The following SYT1 variants were observed in gnomAD, a reference collection of about 807,000 sequenced individuals.
SYT1 encodes the protein synaptotagmin-1.
A neutral mutation model predicts 44.8 loss-of-function variants in SYT1; 8 were observed. The ratio of observed to expected loss-of-function variants is 0.18; its 90% CI spans 0.10 to 0.32. The LOEUF (loss-of-function observed/expected upper bound fraction) is 0.32. SYT1 is among the 10% of genes least tolerant of loss of function. SYT1 has a pLI of 1.00. For missense variants in SYT1, 286 were observed against 509.3 expected (o/e 0.56, Z 4.22); for synonymous variants, 154 against 188.8 (o/e 0.82, Z 1.51).
chr12:79,038,372 A>G (rs1565775001), intron 2 of SYT1, among the ~76,000 whole-genome samples: 1 of 151,544 alleles, frequency 6.6e-6, no homozygotes, highest in Non-Finnish European at 1.5e-5. Flanking sequence ...TAATTGTTTT[A>G]TTTCCCACTG....
chr12:78,961,518 G>GATCATA (rs1167704596), intron 1 of SYT1, among the ~76,000 whole-genome samples: 1 of 151,996 alleles, frequency 6.6e-6, no homozygotes, highest in East Asian at 1.9e-4. Context: ...CATGAAAATT[G>GATCATA]ATCATACCTT....
chr12:79,411,406 C>T (rs1868419616), intron 9 of SYT1, among the ~76,000 whole-genome samples: 1 of 151,904 alleles, frequency 6.6e-6, no homozygotes, highest in South Asian at 2.1e-4. Flanking sequence ...GGCAATGTGC[C>T]CAGCTAAAAA....
intron 9 of SYT1, among the ~76,000 whole-genome samples, chr12:79,394,530 C>T (rs1211660153): frequency 6.6e-6 from 1 of 152,164 alleles, no homozygotes; most frequent in Non-Finnish European, 1.5e-5. Flanking sequence ...TAATAAAGAT[C>T]AATACCAACC....
At chr12:79,375,782 G>T (rs1004829701) in intron 9 of SYT1, among the ~76,000 whole-genome samples, 1 of 151,934 alleles carries the variant, frequency 6.6e-6, no homozygotes, top group Non-Finnish European at 1.5e-5. Context: ...AGATTGTGGG[G>T]CCATGTCATC....
chr12:79,383,216 G>A (rs1027647688), intron 9 of SYT1, among the ~76,000 whole-genome samples: 2 of 150,762 alleles, frequency 1.3e-5, no homozygotes, highest in Non-Finnish European at 1.5e-5. Flanking sequence ...AAGCTATAGG[G>A]TATAGCCTAT....
intron 4 of SYT1, among the ~76,000 whole-genome samples, chr12:79,235,707 A>G (rs1310411829): frequency 2.0e-5 from 3 of 150,800 alleles, no homozygotes; most frequent in Admixed American, 6.6e-5. Flanking sequence ...ACTTCTTACA[A>G]TTCAATACAA....
At chr12:79,318,666 C>G (rs1293675492) in intron 8 of SYT1, among the ~76,000 whole-genome samples, 1 of 152,232 alleles carries the variant, frequency 6.6e-6, no homozygotes, top group African/African-American at 2.4e-5. Context: ...AGTTAACCAA[C>G]TGCTCTTCAC....
At chr12:79,013,740 T>G (rs944509131) in intron 2 of SYT1, among the ~76,000 whole-genome samples, 2 of 152,168 alleles carry the variant, frequency 1.3e-5, no homozygotes, top group African/African-American at 4.8e-5. Context: ...AGTTATAGAA[T>G]GTAAAGGCTA....
At chr12:78,954,238 G>C (rs1282525574) in intron 1 of SYT1, among the ~76,000 whole-genome samples, 5 of 152,062 alleles carry the variant, frequency 3.3e-5, no homozygotes, top group Non-Finnish European at 4.4e-5. Context: ...TTTGTGTAAG[G>C]ATTCACTCAG....
intron 4 of SYT1, among the ~76,000 whole-genome samples, chr12:79,281,229 C>T (rs868221827): frequency 7.9e-5 from 12 of 151,908 alleles, no homozygotes; most frequent in African/African-American, 1.2e-4. Flanking sequence ...AATTCACAAA[C>T]GCAGAGGTAT....
chr12:78,939,578 A>G (rs1001013919), intron 1 of SYT1, among the ~76,000 whole-genome samples: 1 of 152,194 alleles, frequency 6.6e-6, no homozygotes, highest in African/African-American at 2.4e-5. Context: ...CCAGATACCT[A>G]ATCCAGTCCC....
chr12:79,270,608 A>T (rs907294799), intron 4 of SYT1, among the ~76,000 whole-genome samples: 2 of 152,214 alleles, frequency 1.3e-5, no homozygotes, highest in Non-Finnish European at 2.9e-5. Context: ...AATAATACAA[A>T]TCTGCCCTTA....
intron 9 of SYT1, among the ~76,000 whole-genome samples, chr12:79,354,668 T>C (rs1883041889): frequency 6.6e-6 from 1 of 152,214 alleles, no homozygotes; most frequent in Admixed American, 6.5e-5. Flanking sequence ...CCCTATTTAA[T>C]AACTTGCTGT....
Position 79,131,733 on chromosome 12 carries a change from C to T in SYT1, c.-18+84371C>T, listed in dbSNP as rs147015217. ...ATGCCATAAAATTCAATTTCTAAAA[C>T]AAATCTATACTGATAATATATTTAT... On this transcript the variant is annotated intron_variant, in intron 3 of 10. Transcript: ENST00000261205. Among the ~76,000 whole-genome samples the T allele has an allele frequency of 5.0e-3, 754 of 152,174 alleles. 10 individuals are homozygous for T. The highest frequency in any genetic ancestry group is 0.017 in the African/African-American group (698 of 41,524).
At chr12:79,069,377 A>T (rs1292187011) in intron 3 of SYT1, among the ~76,000 whole-genome samples, 1 of 152,152 alleles carries the variant, frequency 6.6e-6, no homozygotes, top group Non-Finnish European at 1.5e-5. Context: ...AACTAAGGCC[A>T]TAATGCTGAC....
chr12:79,335,346 A>G (rs12310206), intron 8 of SYT1, among the ~76,000 whole-genome samples: 1 of 144,740 alleles, frequency 6.9e-6, no homozygotes, highest in Non-Finnish European at 1.5e-5. Context: ...GTGTGTTCTT[A>G]TGCCTTTCCT....
In SYT1 at chr12:78,892,933, A is replaced by C. The variant is rs569407849; in HGVS notation, c.-217+27824A>C. Among the ~76,000 whole-genome samples, 4 of 151,978 alleles carry C rather than the reference A, an allele frequency of 2.6e-5. No individual in the cohort carries two copies. The South Asian group carries it at 6.2e-4, about 24-fold the overall frequency. On this transcript the variant is annotated intron_variant, in intron 1 of 10. Coordinates refer to ENST00000261205, the MANE Select transcript of SYT1 (RefSeq NM_005639.3). ...ATAAGTCATATTCTTGAATTGAAAA[A>C]TTAGGATGTATAAGTAGCATTATAA... is the stretch of plus-strand genomic sequence containing the variant.
intron 3 of SYT1, among the ~76,000 whole-genome samples, chr12:79,145,193 C>T (rs1466074353): frequency 6.6e-6 from 1 of 152,080 alleles, no homozygotes; most frequent in East Asian, 1.9e-4. Context: ...GGTAACAAAT[C>T]CACTTAATAT....
intron 1 of SYT1, among the ~76,000 whole-genome samples, chr12:78,970,229 A>G (rs79827481): frequency 0.012 from 1,776 of 152,314 alleles, 36 homozygotes; most frequent in African/African-American, 0.038. Flanking sequence ...ATGACTAAAG[A>G]CATTGTTATT....
Sources: allele counts gnomAD v4.1 joint callset (sites outside exome capture counted in the v4.1 genomes callset), GRCh38; gene constraint gnomAD v4.1.1; transcripts MANE v1.5; gene names NCBI Gene and HGNC (gene_info 2026-07-23, HGNC 2026-07-21).